The following FGF14 variants were observed in gnomAD, a reference collection of about 807,000 sequenced individuals.
FGF14 encodes fibroblast growth factor 14.
FGF14 carries 5 observed loss-of-function variants against 25.5 expected under a neutral mutation model. That is an observed-to-expected ratio of 0.20 (90% CI 0.10 to 0.41). The LOEUF (loss-of-function observed/expected upper bound fraction) is 0.41, where lower values mean the gene tolerates loss of function less well. Among genes scored for constraint, FGF14 ranks in the 10% least tolerant of loss-of-function variants. FGF14 has a pLI of 1.00. For synonymous variants in FGF14, 138 were observed against 118.3 expected (o/e 1.17, Z -1.08); for missense variants, 222 against 320.1 (o/e 0.69, Z 2.34).
chr13:101,918,745 G>A (rs1005889910), upstream of FGF14, among the ~76,000 whole-genome samples: 2 of 152,170 alleles, frequency 1.3e-5, no homozygotes, highest in African/African-American at 4.8e-5. Context: ...GTCTCCTTTT[G>A]GGAAGGAAAT....
At chr13:101,878,293 C>A (rs754012407) in intron 1 of FGF14, among the ~76,000 whole-genome samples, 4 of 152,186 alleles carry the variant, frequency 2.6e-5, no homozygotes, top group African/African-American at 7.2e-5. Context: ...ATGCACACAC[C>A]TTTGCAGAGC....
At chr13:102,028,602 AT>A (rs1326563277) in intron 1 of FGF14, among the ~76,000 whole-genome samples, 1 of 152,074 alleles carries the variant, frequency 6.6e-6, no homozygotes, top group Non-Finnish European at 1.5e-5. Context: ...ATAGACATTT[AT>A]TAAGTGCTTC....
chr13:102,367,115 A>C (rs2057736928), intron 1 of FGF14: 1 of 152,254 alleles, frequency 6.6e-6, no homozygotes, highest in South Asian at 2.1e-4. Context: ...GTAAGCATTT[A>C]TCATTTCACA....
At chr13:102,143,550 C>T (rs137925899) in intron 1 of FGF14, among the ~76,000 whole-genome samples, 1 of 152,232 alleles carries the variant, frequency 6.6e-6, no homozygotes, top group African/African-American at 2.4e-5. Flanking sequence ...AAAAAATACA[C>T]ACTTGTTTTT....
intron 3 of FGF14, among the ~76,000 whole-genome samples, chr13:101,771,165 A>G (rs2038745684): frequency 6.6e-6 from 1 of 152,004 alleles, no homozygotes. Flanking sequence ...GGATCTTCAT[A>G]TTCTTTCCCA....
intron 1 of FGF14, among the ~76,000 whole-genome samples, chr13:102,123,116 G>T (rs1159971349): frequency 6.6e-6 from 1 of 152,176 alleles, no homozygotes; most frequent in African/African-American, 2.4e-5. Flanking sequence ...GTAAGAATGA[G>T]CTGATTAAGA....
chr13:102,334,660 T>C (rs772041637), intron 1 of FGF14, among the ~76,000 whole-genome samples: 32 of 152,334 alleles, frequency 2.1e-4, no homozygotes, highest in Middle Eastern at 3.4e-3. Flanking sequence ...AAGGCTTCTG[T>C]GATCAGAATT....
intron 3 of FGF14, among the ~76,000 whole-genome samples, chr13:101,829,781 A>G (rs1017164710): frequency 3.5e-4 from 53 of 152,124 alleles, no homozygotes; most frequent in African/African-American, 1.2e-3. Context: ...AAACTCTATT[A>G]GCATTCCAGT....
chr13:102,099,018 T>C (rs2044533821), intron 1 of FGF14, among the ~76,000 whole-genome samples: 1 of 152,042 alleles, frequency 6.6e-6, no homozygotes, highest in Non-Finnish European at 1.5e-5. Flanking sequence ...GAAGGAAGCC[T>C]CTAGAAAAAG....
intron 1 of FGF14, among the ~76,000 whole-genome samples, chr13:102,206,634 T>A (rs1439582870): frequency 6.6e-6 from 1 of 152,114 alleles, no homozygotes; most frequent in Non-Finnish European, 1.5e-5. Context: ...TGAGCCCAGA[T>A]GGCACCACTG....
intron 1 of FGF14, among the ~76,000 whole-genome samples, chr13:101,925,129 T>C (rs1173106508): frequency 6.6e-6 from 1 of 152,256 alleles, no homozygotes; most frequent in Non-Finnish European, 1.5e-5. Context: ...TTCTACATTT[T>C]CTGACTATAA....
At chr13:101,949,034 T>C (rs1340696746) in intron 1 of FGF14, among the ~76,000 whole-genome samples, 1 of 152,134 alleles carries the variant, frequency 6.6e-6, no homozygotes, top group Non-Finnish European at 1.5e-5. Flanking sequence ...TATGGGTGTG[T>C]TGGGGGCTGG....
intron 1 of FGF14, among the ~76,000 whole-genome samples, chr13:102,231,835 T>G (rs1019208526): frequency 6.6e-6 from 1 of 152,132 alleles, no homozygotes; most frequent in Non-Finnish European, 1.5e-5. Flanking sequence ...ACCTGCAAGA[T>G]AGTCAGTATG....
At chr13:101,928,937 T>C (rs2034560636) in intron 1 of FGF14, among the ~76,000 whole-genome samples, 1 of 152,224 alleles carries the variant, frequency 6.6e-6, no homozygotes, top group Non-Finnish European at 1.5e-5. Context: ...TATGAATTAC[T>C]GCCTCCAATG....
chr13:102,114,417 T>C (rs1392889675), intron 1 of FGF14, among the ~76,000 whole-genome samples: 2 of 152,234 alleles, frequency 1.3e-5, no homozygotes, highest in East Asian at 3.8e-4. Context: ...GAGTTTGATG[T>C]AGTCCCACGG....
At chr13:102,197,449 TC>T (rs1346308628) in intron 1 of FGF14, among the ~76,000 whole-genome samples, 3 of 152,112 alleles carry the variant, frequency 2.0e-5, no homozygotes, top group Non-Finnish European at 2.9e-5. Flanking sequence ...CACTCAACTT[TC>T]CTGACTCTCT....
At chr13:102,214,531 C>T (rs1296683279) in intron 1 of FGF14, among the ~76,000 whole-genome samples, 1 of 152,140 alleles carries the variant, frequency 6.6e-6, no homozygotes, top group East Asian at 1.9e-4. Context: ...AACAAAAATA[C>T]TCATTAAGTG....
intron 1 of FGF14, among the ~76,000 whole-genome samples, chr13:102,167,662 G>A (rs983855903): frequency 6.6e-6 from 1 of 152,064 alleles, no homozygotes; most frequent in Non-Finnish European, 1.5e-5. Flanking sequence ...AGTCTGAAAA[G>A]TAAGTAATAA....
At chr13:102,179,462 C>G (rs879769673) in intron 1 of FGF14, among the ~76,000 whole-genome samples, 4 of 152,106 alleles carry the variant, frequency 2.6e-5, no homozygotes, top group Non-Finnish European at 5.9e-5. Flanking sequence ...CATTCCTTAA[C>G]AGATACGTGC....
Sources: allele counts gnomAD v4.1 joint callset (sites outside exome capture counted in the v4.1 genomes callset), GRCh38; gene constraint gnomAD v4.1.1; transcripts MANE v1.5; gene names NCBI Gene and HGNC (gene_info 2026-07-23, HGNC 2026-07-21).